Variants in ASTN2 observed in about 807,000 individuals in gnomAD.
ASTN2 encodes the protein astrotactin 2.
A neutral mutation model predicts 139.8 loss-of-function variants in ASTN2; 54 were observed. The observed-to-expected ratio is 0.39, with a 90% CI of 0.31 to 0.48. The LOEUF (loss-of-function observed/expected upper bound fraction) is 0.48, where lower values mean the gene tolerates loss of function less well. Among genes scored for constraint, ASTN2 ranks in the 20% least tolerant of loss-of-function variants. The pLI is 0.95. For synonymous variants in ASTN2, 756 were observed against 719.5 expected, an observed-to-expected ratio of 1.05 and a Z score of -0.81; for missense variants, 1,565 against 1,725.1, an observed-to-expected ratio of 0.91 and a Z score of 1.64.
chr9:116,939,118 T>C (rs973108960), intron 10 of ASTN2, among the ~76,000 whole-genome samples: 3 of 152,176 alleles, frequency 2.0e-5, no homozygotes, highest in African/African-American at 4.8e-5. Context: ...CAAATCCCGG[T>C]TCTGTCACTA....
chr9:116,443,574 C>T (rs1366992282), intron 20 of ASTN2, among the ~76,000 whole-genome samples: 1 of 152,136 alleles, frequency 6.6e-6, no homozygotes, highest in Non-Finnish European at 1.5e-5. Flanking sequence ...AGAGCAGCCT[C>T]TGTCCTCTGT....
intron 16 of ASTN2, among the ~76,000 whole-genome samples, chr9:116,691,373 C>T (rs892703850): frequency 3.9e-5 from 6 of 152,112 alleles, no homozygotes; most frequent in Admixed American, 6.6e-5. Flanking sequence ...ATACTGGCAG[C>T]GTAGGTACTA....
At position 117,146,677 on chromosome 9, in the gene ASTN2, C is replaced by A. The variant is rs150989196; in HGVS notation, c.1016-5199G>T. On this transcript the variant is annotated intron_variant, in intron 3 of 22. Coordinates refer to ENST00000313400, the MANE Select transcript of ASTN2 (RefSeq NM_001365068.1). ...GCATAGAAGTTCATGGTGAGGGATA[C>A]AAGACTACAAACTGGGTTCAGTGTA... 4.3e-3 allele frequency among the ~76,000 whole-genome samples: 655 copies of A among 152,006 alleles called. 4 individuals are homozygous for A. The highest frequency in any genetic ancestry group is 0.015 in the African/African-American group (609 of 41,440).
At chr9:116,721,644 A>G (rs568025541) in intron 16 of ASTN2, among the ~76,000 whole-genome samples, 2 of 152,302 alleles carry the variant, frequency 1.3e-5, no homozygotes, top group South Asian at 4.1e-4. Context: ...TAGAGCTTCC[A>G]GGGATGACTT....
chr9:116,748,652 A>T (rs1438917488), intron 13 of ASTN2, among the ~76,000 whole-genome samples: 1 of 152,222 alleles, frequency 6.6e-6, no homozygotes, highest in Non-Finnish European at 1.5e-5. Flanking sequence ...GCAGACACAC[A>T]GTAGGTACAC....
intron 17 of ASTN2, among the ~76,000 whole-genome samples, chr9:116,621,858 G>A (rs1163362421): frequency 6.6e-6 from 1 of 152,116 alleles, no homozygotes; most frequent in South Asian, 2.1e-4. Context: ...CTTCTATTTT[G>A]TTCCCCTCCC....
chr9:117,025,118 T>C (rs922765720), intron 6 of ASTN2, among the ~76,000 whole-genome samples: 14 of 152,098 alleles, frequency 9.2e-5, no homozygotes, highest in African/African-American at 2.9e-4. Flanking sequence ...AACAGACTAA[T>C]ACAAGCGGCA....
chr9:116,603,184 A>G (rs1854998035), intron 19 of ASTN2, among the ~76,000 whole-genome samples: 1 of 152,206 alleles, frequency 6.6e-6, no homozygotes, highest in Non-Finnish European at 1.5e-5. Flanking sequence ...ACAAGCAGTG[A>G]TTGAAATATG....
intron 3 of ASTN2, among the ~76,000 whole-genome samples, chr9:117,145,456 C>T (rs911508434): frequency 2.6e-5 from 4 of 152,200 alleles, no homozygotes; most frequent in Non-Finnish European, 5.9e-5. Flanking sequence ...TGGGATGCCC[C>T]AGAAAGATAT....
At position 116,964,186 on chromosome 9, in the gene ASTN2, C is replaced by A. The variant is rs542368111; in HGVS notation, c.1889+11022G>T. 1.7e-3 allele frequency among the ~76,000 whole-genome samples: 257 copies of A among 150,752 alleles called. 1 individual carries two copies. Among genetic ancestry groups the A allele is most frequent in the Non-Finnish European group, 3.0e-3 (204 of 67,838 alleles). On this transcript the variant is annotated intron_variant, in intron 10 of 22. Coordinates refer to ENST00000313400, the MANE Select transcript of ASTN2 (RefSeq NM_001365068.1). ...TCAATTAATTATTCATTGACATATC[C>A]AACTCATCTTTCTGACTAGACTGCC...
intron 1 of ASTN2, among the ~76,000 whole-genome samples, chr9:117,326,168 GT>G (rs904084467): frequency 5.4e-5 from 8 of 149,128 alleles, no homozygotes; most frequent in South Asian, 4.3e-4. Context: ...AAACTTCTCT[GT>G]TTTTTTTTTA....
At chr9:116,860,222 A>T (rs1217659244) in intron 11 of ASTN2, among the ~76,000 whole-genome samples, 1 of 152,142 alleles carries the variant, frequency 6.6e-6, no homozygotes. Flanking sequence ...ACTGAAATTG[A>T]CTAGAGTTAA....
At chr9:116,905,575 C>G (rs984605571) in intron 10 of ASTN2, among the ~76,000 whole-genome samples, 20 of 152,108 alleles carry the variant, frequency 1.3e-4, no homozygotes, top group African/African-American at 4.6e-4. Flanking sequence ...GCAGATGGGC[C>G]CGCCCCTCAC....
chr9:117,034,007 T>C (rs1007693595), intron 6 of ASTN2, among the ~76,000 whole-genome samples: 13 of 152,146 alleles, frequency 8.5e-5, no homozygotes, highest in African/African-American at 2.9e-4. Context: ...TAAGAGGTCA[T>C]TAGGTATCTA....
intron 1 of ASTN2, among the ~76,000 whole-genome samples, chr9:117,369,393 C>A (rs1829931387): frequency 6.6e-6 from 1 of 152,028 alleles, no homozygotes. Context: ...CAGTGAACAG[C>A]AAACACAGTA....
At chr9:116,503,748 T>C (rs1849989011) in intron 19 of ASTN2, among the ~76,000 whole-genome samples, 1 of 152,170 alleles carries the variant, frequency 6.6e-6, no homozygotes, top group Non-Finnish European at 1.5e-5. Flanking sequence ...TGTGTTCGTG[T>C]GGTGTAAGTA....
chr9:116,836,959 T>G (rs1448508677), intron 11 of ASTN2, among the ~76,000 whole-genome samples: 1 of 152,100 alleles, frequency 6.6e-6, no homozygotes, highest in Non-Finnish European at 1.5e-5. Flanking sequence ...AAATATTTAC[T>G]ATATAATCCT....
intron 10 of ASTN2, among the ~76,000 whole-genome samples, chr9:116,873,878 C>T (rs1833228558): frequency 6.6e-6 from 1 of 152,166 alleles, no homozygotes; most frequent in South Asian, 2.1e-4. Context: ...GCTCCCCCTT[C>T]CCCTTCTATC....
intron 1 of ASTN2, among the ~76,000 whole-genome samples, chr9:117,395,341 AG>A: frequency 6.6e-6 from 1 of 152,312 alleles, no homozygotes; most frequent in Middle Eastern, 3.4e-3. Flanking sequence ...TGGGGAGAAG[AG>A]GTCTTTAAAA....
Sources: gnomAD v4.1 joint callset for allele counts (sites outside exome capture counted in the v4.1 genomes callset) on GRCh38, gnomAD v4.1.1 for gene constraint, MANE v1.5 for transcripts, NCBI Gene and HGNC (gene_info 2026-07-23, HGNC 2026-07-21) for gene names.